The following MBD5 variants were observed in gnomAD, a reference collection of about 807,000 sequenced individuals.
MBD5 encodes the protein methyl-CpG-binding domain protein 5.
A neutral mutation model predicts 117.3 loss-of-function variants in MBD5; 13 were observed. The ratio of observed to expected loss-of-function variants is 0.11; its 90% CI spans 0.07 to 0.18. MBD5 has a LOEUF of 0.18. Among genes scored for constraint, MBD5 ranks in the 10% least tolerant of loss-of-function variants. The probability of loss-of-function intolerance (pLI) is 1.00; values close to 1 mark genes in which losing one functional copy is unlikely to be tolerated. For missense variants in MBD5, 1,879 were observed against 2,093.8 expected (o/e 0.90, Z 2.00); for synonymous variants, 727 against 766.4 (o/e 0.95, Z 0.85).
intron 4 of MBD5, chr2:148,346,751 G>A (rs1490603533): frequency 1.3e-5 from 2 of 151,354 alleles, no homozygotes; most frequent in African/African-American, 4.8e-5. Flanking sequence ...TCACAATTAT[G>A]TCTTCTTTTT....
chr2:148,133,156 C>A (rs778465274), intron 1 of MBD5, among the ~76,000 whole-genome samples: 1 of 152,124 alleles, frequency 6.6e-6, no homozygotes, highest in Non-Finnish European at 1.5e-5. Context: ...ATTATGCAAT[C>A]ACTTTTAAAG....
chr2:148,373,164 A>G (rs892667053), intron 4 of MBD5, among the ~76,000 whole-genome samples: 20 of 152,194 alleles, frequency 1.3e-4, no homozygotes, highest in African/African-American at 4.3e-4. Flanking sequence ...CTTTTACCAC[A>G]GGAAAGCAAG....
intron 4 of MBD5, among the ~76,000 whole-genome samples, chr2:148,369,900 A>G (rs950059141): frequency 6.6e-6 from 1 of 151,832 alleles, no homozygotes; most frequent in African/African-American, 2.4e-5. Flanking sequence ...TGTATAATAG[A>G]TAGCTATTTC....
chr2:148,130,253 T>G (rs568213344), intron 1 of MBD5, among the ~76,000 whole-genome samples: 210 of 152,328 alleles, frequency 1.4e-3, no homozygotes, highest in African/African-American at 4.7e-3. Context: ...CATTTTCTCC[T>G]GACAGCGCTC....
chr2:148,232,665 G>A (rs983805981), intron 2 of MBD5, among the ~76,000 whole-genome samples: 3 of 133,190 alleles, frequency 2.3e-5, no homozygotes, highest in Admixed American at 7.7e-5. Flanking sequence ...TTTTTTTTTG[G>A]TAGAGACATA....
At chr2:148,366,444 C>T (rs1050578079) in intron 4 of MBD5, among the ~76,000 whole-genome samples, 1 of 152,130 alleles carries the variant, frequency 6.6e-6, no homozygotes, top group African/African-American at 2.4e-5. Flanking sequence ...TGTCACCATT[C>T]CTATTCAACA....
chr2:148,146,942 C>G (rs1697483087), intron 1 of MBD5, among the ~76,000 whole-genome samples: 1 of 152,064 alleles, frequency 6.6e-6, no homozygotes, highest in African/African-American at 2.4e-5. Flanking sequence ...TTACCTTTTT[C>G]AACTCCAGGA....
chr2:148,245,780 C>A (rs1264287670), intron 3 of MBD5, among the ~76,000 whole-genome samples: 1 of 152,140 alleles, frequency 6.6e-6, no homozygotes, highest in African/African-American at 2.4e-5. Context: ...TGAAAACATT[C>A]TACTAAGCAG....
At position 148,470,184 on chromosome 2, in the gene MBD5, T is replaced by C. The variant is rs1486334977; in HGVS notation, c.2241T>C (p.Ser747=). ...TTACAGATCCCAGTATGAACTCTAGTGTTCTTCAGAACATACCTTTAAGAG... is the reference window on the plus strand; with the variant it reads ...TTACAGATCCCAGTATGAACTCTAGCGTTCTTCAGAACATACCTTTAAGAG... ...LHFTDPSMNS[S]VLQNIPLRGE... is the part of the protein sequence containing the mutation. Residue 747 remains serine (S), a synonymous_variant, in exon 8 of 14, where the codon AGT becomes AGC. Transcript: ENST00000642680. The C allele has an allele frequency of 6.2e-7, 1 of 1,613,992 alleles. No homozygotes were observed. The highest frequency in any genetic ancestry group is 8.5e-7 in the Non-Finnish European group (1 of 1,179,912).
intron 2 of MBD5, among the ~76,000 whole-genome samples, chr2:148,189,222 C>G (rs1486701198): frequency 1.4e-5 from 2 of 148,010 alleles, no homozygotes; most frequent in Non-Finnish European, 1.5e-5. Context: ...GTAAACAAAG[C>G]AGCCGGGAAG....
Position 148,442,355 on chromosome 2 carries a change from A to C in MBD5, c.-556-15848A>C, listed in dbSNP as rs75840792. ...TGTGCTATGGGGGAAAAAGTGACACAAAGCCAACCTTCAAGGAGCTAGTGA... is the reference window on the plus strand; with the variant it reads ...TGTGCTATGGGGGAAAAAGTGACACCAAGCCAACCTTCAAGGAGCTAGTGA... On this transcript the variant is annotated intron_variant, in intron 4 of 13. Coordinates refer to ENST00000642680, the MANE Select transcript of MBD5 (RefSeq NM_001378120.1). Among the ~76,000 whole-genome samples the C allele has an allele frequency of 5.9e-5, 9 of 151,436 alleles. No homozygotes were observed. The East Asian group carries it at 1.4e-3, about 23-fold the overall frequency.
chr2:148,465,636 T>C (rs1020582456), intron 7 of MBD5, among the ~76,000 whole-genome samples: 2 of 152,090 alleles, frequency 1.3e-5, no homozygotes, highest in Non-Finnish European at 2.9e-5. Flanking sequence ...ACCTTCTCCA[T>C]AATGAGTGTC....
intron 1 of MBD5, among the ~76,000 whole-genome samples, chr2:148,148,303 G>A (rs1282163171): frequency 2.0e-5 from 3 of 152,178 alleles, no homozygotes; most frequent in African/African-American, 7.2e-5. Flanking sequence ...ACCTCTTAGT[G>A]ACTGCTCAGC....
intron 3 of MBD5, among the ~76,000 whole-genome samples, chr2:148,294,148 C>T (rs1178361100): frequency 2.0e-5 from 3 of 149,550 alleles, no homozygotes; most frequent in Non-Finnish European, 4.4e-5. Flanking sequence ...TTCCTTGGAA[C>T]ATACTTATTT....
chr2:148,048,127 G>A (rs914070278), intron 1 of MBD5, among the ~76,000 whole-genome samples: 22 of 152,214 alleles, frequency 1.4e-4, no homozygotes, highest in African/African-American at 5.1e-4. Flanking sequence ...GAAACATTCT[G>A]TCTCTGTAAA....
intron 2 of MBD5, among the ~76,000 whole-genome samples, chr2:148,187,963 T>C (rs1698709586): frequency 6.6e-6 from 1 of 152,222 alleles, no homozygotes; most frequent in Non-Finnish European, 1.5e-5. Flanking sequence ...TATTTTGTTA[T>C]CACATATGTA....
chr2:148,356,564 C>T (rs1242497976), intron 4 of MBD5, among the ~76,000 whole-genome samples: 1 of 152,138 alleles, frequency 6.6e-6, no homozygotes, highest in African/African-American at 2.4e-5. Context: ...AACCAGCTGA[C>T]ACTAAATAAG....
intron 2 of MBD5, among the ~76,000 whole-genome samples, chr2:148,222,294 A>G (rs1393354427): frequency 6.6e-6 from 1 of 151,914 alleles, no homozygotes; most frequent in Non-Finnish European, 1.5e-5. Context: ...GTGTGTTTGA[A>G]GAATGTCATT....
rs539430463 is a variant in MBD5 at position 148,138,095 on chromosome 2, C to G, written c.-924-40605C>G. ...TAAAAAAGAAACAAATTTCAGGTAA[C>G]AACAAGGACAAAAATAACAACAATA... On this transcript the variant is annotated intron_variant, in intron 1 of 13. Transcript: ENST00000642680. 7.2e-5 allele frequency among the ~76,000 whole-genome samples: 11 copies of G among 152,194 alleles called. No homozygotes were observed. In the South Asian group the frequency reaches 2.3e-3, roughly 32 times the overall value.
Sources: gnomAD v4.1 joint callset for allele counts (sites outside exome capture counted in the v4.1 genomes callset) on GRCh38, gnomAD v4.1.1 for gene constraint, MANE v1.5 for transcripts, NCBI Gene and HGNC (gene_info 2026-07-23, HGNC 2026-07-21) for gene names.